The following HECA variants were observed in gnomAD, a reference collection of about 807,000 sequenced individuals.
HECA encodes HECA ribonucleoprotein granule regulator, also known as headcase protein homolog.
A neutral mutation model predicts 37.6 loss-of-function variants in HECA; 13 were observed. The observed-to-expected ratio is 0.35, with a 90% CI of 0.23 to 0.55. HECA has a LOEUF of 0.55. HECA is among the 20% of genes least tolerant of loss of function. HECA has a pLI of 0.90. For missense variants in HECA, 527 were observed against 701.9 expected, an observed-to-expected ratio of 0.75 and a Z score of 2.82; for synonymous variants, 307 against 291.5, an observed-to-expected ratio of 1.05 and a Z score of -0.54.
intron 1 of HECA, among the ~76,000 whole-genome samples, chr6:139,158,695 TGGTGTTTA>T (rs1237962133): frequency 6.9e-6 from 1 of 145,552 alleles, no homozygotes; most frequent in African/African-American, 2.5e-5. Context: ...AAAGAAAAAT[TGGTGTTTA>T]GGTGCCAAGC....
chr6:139,153,608 A>C (rs557156065), intron 1 of HECA, among the ~76,000 whole-genome samples: 2 of 152,064 alleles, frequency 1.3e-5, no homozygotes, highest in South Asian at 4.1e-4. Context: ...TTTTTAGTAG[A>C]GACGAGGTTT....
chr6:139,148,570 C>G (rs1218621114), intron 1 of HECA, among the ~76,000 whole-genome samples: 2 of 152,204 alleles, frequency 1.3e-5, no homozygotes, highest in Admixed American at 6.5e-5. Flanking sequence ...TTGAGACCAA[C>G]TTGGCCAACA....
At chr6:139,141,220 CTTAAGAGATCAACA>C (rs1439068654) in intron 1 of HECA, among the ~76,000 whole-genome samples, 3 of 152,150 alleles carry the variant, frequency 2.0e-5, no homozygotes, top group Non-Finnish European at 4.4e-5. Flanking sequence ...AATTCCACCA[CTTAAGAGATCAACA>C]TTATTAATAT....
rs1489841282 is a variant in HECA at position 139,135,556 on chromosome 6, G to C, written c.160G>C (p.Ala54Pro). The C allele has an allele frequency of 1.0e-6, 1 of 975,942 alleles. No homozygotes were observed. The highest frequency in any genetic ancestry group is 1.8e-5 in the African/African-American group (1 of 56,256). The allele number at this position is 975,942 out of a possible 1,614,324, so 60.5% of individuals were successfully genotyped here. Reference protein sequence around the residue: ...LAAAAGCGAAAAGAPGAGGAA... With the variant: ...LAAAAGCGAAPAGAPGAGGAA... ...GGCGGCGGCCGGTTGCGGGGCGGCG[G>C]CGGCGGGCGCGCCGGGCGCCGGAGG... is the stretch of plus-strand genomic sequence containing the variant. Residue 54 changes from alanine (A) to proline (P), a missense_variant, in exon 1 of 4, where the codon GCG becomes CCG. Ala to Pro is a conservative substitution (Grantham distance 27, BLOSUM62 -1). Transcript: ENST00000367658.
rs192134018 is a variant in HECA, at chr6:139,141,958, G to A, written c.271+6291G>A. ...TTTTTTTTTTTGGACATGGAGTGTCGCTCTGTCGCCCAGGCTGGAGTGCAG... is the reference window on the plus strand; with the variant it reads ...TTTTTTTTTTTGGACATGGAGTGTCACTCTGTCGCCCAGGCTGGAGTGCAG... On this transcript the variant is annotated intron_variant, in intron 1 of 3. Coordinates refer to ENST00000367658, the MANE Select transcript of HECA (RefSeq NM_016217.3). 2.7e-3 allele frequency among the ~76,000 whole-genome samples: 324 copies of A among 118,232 alleles called. 4 individuals carry two copies. Among genetic ancestry groups the A allele is most frequent in the African/African-American group, 0.01 (298 of 29,460 alleles). The allele number at this position is 118,232 out of a possible 152,430, so 77.6% of individuals were successfully genotyped here. A position where few individuals can be genotyped will look rare whatever the true frequency, so the allele number is the denominator to read the frequency against.
intron 1 of HECA, among the ~76,000 whole-genome samples, chr6:139,162,051 T>C (rs1343671546): frequency 1.3e-5 from 2 of 152,176 alleles, no homozygotes; most frequent in African/African-American, 4.8e-5. Context: ...CCAGTATCTT[T>C]AATGCGACTT....
At position 139,135,306 on chromosome 6, in the gene HECA, G is replaced by A. The variant is rs1434208168; in HGVS notation, c.-91G>A. 1.7e-5 allele frequency: 18 copies of A among 1,061,894 alleles called. No individual in the cohort carries two copies. Among genetic ancestry groups the A allele is most frequent in the Non-Finnish European group, 2.4e-6 (2 of 848,204 alleles). The allele number at this position is 1,061,894 out of a possible 1,614,324, so 65.8% of individuals were successfully genotyped here. A position where few individuals can be genotyped will look rare whatever the true frequency, so the allele number is the denominator to read the frequency against. On this transcript the variant is annotated 5_prime_UTR_variant, in exon 1 of 4. Coordinates refer to ENST00000367658, the MANE Select transcript of HECA (RefSeq NM_016217.3). ...CGGCTCGCGCCCTCCGTTCTTTCCCGGAGCCGGCTTCACGCAGGGCCGGGA... is the reference window on the plus strand; with the variant it reads ...CGGCTCGCGCCCTCCGTTCTTTCCCAGAGCCGGCTTCACGCAGGGCCGGGA...
chr6:139,152,887 A>G (rs1774667871), intron 1 of HECA: 1 of 152,210 alleles, frequency 6.6e-6, no homozygotes, highest in Non-Finnish European at 1.5e-5. Context: ...GGTACATAGT[A>G]GTATATAGGA....
chr6:139,152,899 A>G (rs1774668008), intron 1 of HECA: 1 of 152,160 alleles, frequency 6.6e-6, no homozygotes, highest in South Asian at 2.1e-4. Flanking sequence ...TATATAGGAA[A>G]TGATTCCTAA....
chr6:139,157,032 C>T (rs1419038768), intron 1 of HECA, among the ~76,000 whole-genome samples: 1 of 152,192 alleles, frequency 6.6e-6, no homozygotes, highest in African/African-American at 2.4e-5. Context: ...ATGGCTACTC[C>T]ATAGACAGAG....
chr6:139,142,170 C>T (rs1018225642), intron 1 of HECA, among the ~76,000 whole-genome samples: 15 of 152,092 alleles, frequency 9.9e-5, no homozygotes, highest in East Asian at 1.9e-4. Context: ...TTGTGATCCA[C>T]TCGCCTTGAC....
intron 1 of HECA, among the ~76,000 whole-genome samples, chr6:139,158,670 CA>C (rs4052916): frequency 1.1e-3 from 130 of 123,116 alleles, no homozygotes; most frequent in East Asian, 5.3e-3. Context: ...GACCCTGTCT[CA>C]AAAAAAAAAA....
In HECA at chr6:139,167,066, C is replaced by T. The variant is rs1774900314; in HGVS notation, c.1054C>T (p.Leu352Phe). ...QFLRRLDLSELLTHIPRHKLN... is the reference protein window; with the variant it reads ...QFLRRLDLSEFLTHIPRHKLN... ...CCTTCGGCGGCTGGACCTCTCCGAA[C>T]TCCTCACTCACATCCCCAGGCATAA... The change falls in exon 2 of 4, where the codon CTC becomes TTC. Residue 352 changes from leucine to phenylalanine, a missense_variant. Physicochemically the swap from Leu to Phe is conservative, Grantham distance 22. Transcript: ENST00000367658. 6.2e-7 allele frequency: 1 copy of T among 1,614,208 alleles called. No individual in the cohort carries two copies. Among genetic ancestry groups the T allele is most frequent in the Non-Finnish European group, 8.5e-7 (1 of 1,180,036 alleles).
chr6:139,166,683 A>C lies in HECA; in HGVS notation c.671A>C (p.Lys224Thr). The stretch of plus-strand genomic sequence containing the variant: ...GGTGAGGCGGCGGAGGAGGCAAAAA[A>C]GTGCAGGCCCCCAAATAAGCCCCAG... ...PPGEAAEEAKKCRPPNKPQKG... is the reference protein window; with the variant it reads ...PPGEAAEEAKTCRPPNKPQKG... The change falls in exon 2 of 4, where the codon AAG (lysine) becomes ACG (threonine). Residue 224 changes from lysine (K) to threonine (T), a missense_variant. Around this residue, in one of 4 missense-constraint regions of HECA, gnomAD observed 228 missense variants for 259.8 expected, o/e 0.88. Coordinates refer to ENST00000367658, the MANE Select transcript of HECA (RefSeq NM_016217.3). The C allele has an allele frequency of 1.2e-6, 2 of 1,613,688 alleles. No homozygotes were observed. Among genetic ancestry groups the C allele is most frequent in the Non-Finnish European group, 1.7e-6 (2 of 1,179,798 alleles).
chr6:139,173,918 G>A (rs1185037293), intron 2 of HECA, among the ~76,000 whole-genome samples: 2 of 152,118 alleles, frequency 1.3e-5, no homozygotes, highest in Non-Finnish European at 2.9e-5. Flanking sequence ...TGTAATTCTG[G>A]GCTATCAGTC....
chr6:139,151,507 T>C (rs999784291), intron 1 of HECA, among the ~76,000 whole-genome samples: 3 of 152,316 alleles, frequency 2.0e-5, no homozygotes, highest in Non-Finnish European at 4.4e-5. Context: ...TAATTTGATA[T>C]TCTCCATACT....
intron 2 of HECA, among the ~76,000 whole-genome samples, chr6:139,172,484 T>A (rs1774988009): frequency 1.3e-5 from 2 of 152,236 alleles, no homozygotes; most frequent in East Asian, 3.8e-4. Context: ...GAAAATAGGT[T>A]TTGTTTAGCA....
Position 139,176,979 on chromosome 6 carries a change from C to T in HECA, c.1506C>T (p.Ile502=), listed in dbSNP as rs376163523. 4 of 872,436 alleles carry T rather than the reference C, an allele frequency of 4.6e-6. No individual in the cohort carries two copies. Among genetic ancestry groups the T allele is most frequent in the Middle Eastern group, 2.2e-4 (1 of 4,632 alleles). 54.0% of individuals were successfully genotyped at this position (872,436 alleles called of 1,614,324 possible). ...LNCKHCGKPV[I]DVRIGMQYFS... ...GTAAGCACTGTGGGAAGCCGGTGAT[C>T]GACGTGAGGATCGGGATGCAGTACT... The change falls in exon 4 of 4, where the codon ATC becomes ATT. Residue 502 remains isoleucine (I), a synonymous_variant. Transcript: ENST00000367658. This position sits in a 1 kb window ranked among gnomAD's most constrained non-coding sequence, Gnocchi z 4.5.
chr6:139,164,275 A>G (rs1284267768), intron 1 of HECA, among the ~76,000 whole-genome samples: 2 of 152,022 alleles, frequency 1.3e-5, no homozygotes, highest in South Asian at 2.1e-4. Flanking sequence ...ATCTATACAC[A>G]TAATCTAAAC....
Sources: gnomAD v4.1 joint callset for allele counts (sites outside exome capture counted in the v4.1 genomes callset) on GRCh38, gnomAD v4.1.1 for gene constraint, gnomAD v4.1.1 regional missense constraint, Gnocchi (gnomAD v3.1) non-coding constraint, MANE v1.5 for transcripts, NCBI Gene and HGNC (gene_info 2026-07-23, HGNC 2026-07-21) for gene names.